Variants in IL1RAP observed in about 807,000 individuals in gnomAD.
IL1RAP encodes interleukin-1 receptor accessory protein.
IL1RAP carries 35 observed loss-of-function variants against 60.7 expected under a neutral mutation model. The ratio of observed to expected loss-of-function variants is 0.58; its 90% CI spans 0.44 to 0.76. The LOEUF (loss-of-function observed/expected upper bound fraction) is 0.76. Among genes scored for constraint, IL1RAP ranks in the 30% least tolerant of loss-of-function variants. The probability of loss-of-function intolerance (pLI) is 0.00; values close to 1 mark genes in which losing one functional copy is unlikely to be tolerated. For missense variants in IL1RAP, 572 were observed against 693.9 expected (o/e 0.82, Z 1.97); for synonymous variants, 268 against 250.9 (o/e 1.07, Z -0.64).
At chr3:190,571,513 C>A (rs1390732017) in intron 3 of IL1RAP, among the ~76,000 whole-genome samples, 1 of 152,068 alleles carries the variant, frequency 6.6e-6, no homozygotes, top group Non-Finnish European at 1.5e-5. Context: ...AAGACCCTGT[C>A]TCTCTCTTTC....
intron 9 of IL1RAP, among the ~76,000 whole-genome samples, chr3:190,634,719 G>GTTTTTTT (rs1733070414): frequency 7.8e-6 from 1 of 128,442 alleles, no homozygotes; most frequent in African/African-American, 3.4e-5. Context: ...TTTTTTTTTT[G>GTTTTTTT]TTGTTGTTTT....
intron 9 of IL1RAP, among the ~76,000 whole-genome samples, chr3:190,632,582 C>G (rs906276182): frequency 6.6e-6 from 1 of 152,200 alleles, no homozygotes; most frequent in Non-Finnish European, 1.5e-5. Flanking sequence ...TAAACAGAAT[C>G]TTTAAAACTT....
At chr3:190,594,294 A>G (rs928613624) in intron 3 of IL1RAP, among the ~76,000 whole-genome samples, 1 of 152,232 alleles carries the variant, frequency 6.6e-6, no homozygotes, top group African/African-American at 2.4e-5. Flanking sequence ...AAGCTTATTT[A>G]TCACATAAAA....
At chr3:190,529,585 T>C (rs1722808065) in intron 1 of IL1RAP, among the ~76,000 whole-genome samples, 3 of 151,286 alleles carry the variant, frequency 2.0e-5, no homozygotes, top group Non-Finnish European at 2.9e-5. Context: ...CTTGGGAGGC[T>C]GAGGCAGGAG....
chr3:190,625,574 A>G (rs1333846845), intron 7 of IL1RAP, among the ~76,000 whole-genome samples: 1 of 152,210 alleles, frequency 6.6e-6, no homozygotes, highest in Non-Finnish European at 1.5e-5. Context: ...GTATGAATAA[A>G]TTTATAGCAA....
chr3:190,578,845 T>G (rs1727730435), intron 3 of IL1RAP, among the ~76,000 whole-genome samples: 2 of 152,092 alleles, frequency 1.3e-5, no homozygotes, highest in East Asian at 3.9e-4. Flanking sequence ...GAACTGCCCT[T>G]TATAAAACCA....
At chr3:190,620,540 A>G in intron 6 of IL1RAP, 100 bp downstream of exon 6, 1 of 1,074,936 alleles carries the variant, frequency 9.3e-7, no homozygotes, top group Non-Finnish European at 1.4e-6. Flanking sequence ...TGTATAAGAA[A>G]AGTGATTCAT....
rs1478891413 is a variant in IL1RAP at position 190,648,978 on chromosome 3, A to G, written c.*273A>G. On this transcript the variant is annotated 3_prime_UTR_variant, in exon 12 of 12. Transcript: ENST00000447382. ...GTTCAATGCGAATTTCCCCTTCTAC[A>G]TTGTCTATCCCTGTTTTTATATGTC... is the stretch of plus-strand genomic sequence containing the variant. 3 of 1,164,428 alleles carry G rather than the reference A, an allele frequency of 2.6e-6. No homozygotes were observed. Among genetic ancestry groups the G allele is most frequent in the Non-Finnish European group, 3.2e-6 (3 of 943,026 alleles). 72.1% of individuals were successfully genotyped at this position (1,164,428 alleles called of 1,614,324 possible).
intron 1 of IL1RAP, among the ~76,000 whole-genome samples, chr3:190,540,439 G>T (rs904598582): frequency 1.3e-5 from 2 of 151,980 alleles, no homozygotes; most frequent in Non-Finnish European, 2.9e-5. Context: ...TTATGAACCT[G>T]TCTATAGGGA....
intron 9 of IL1RAP, among the ~76,000 whole-genome samples, chr3:190,635,266 C>T (rs374000830): frequency 1.8e-4 from 28 of 152,124 alleles, no homozygotes; most frequent in African/African-American, 6.3e-4. Context: ...TTTTGTCCTT[C>T]ATCAGTCAAG....
chr3:190,581,716 T>G (rs777492514), intron 3 of IL1RAP, among the ~76,000 whole-genome samples: 9 of 152,246 alleles, frequency 5.9e-5, no homozygotes, highest in Non-Finnish European at 7.3e-5. Flanking sequence ...ATTTTTCTAT[T>G]GTATTTTTCA....
intron 1 of IL1RAP, chr3:190,518,588 A>T: frequency 6.6e-6 from 1 of 152,286 alleles, no homozygotes; most frequent in East Asian, 1.9e-4. Context: ...CAGACCCAAG[A>T]CTGGGCAGTT....
At chr3:190,602,797 G>A (rs537509512) in intron 3 of IL1RAP, among the ~76,000 whole-genome samples, 1 of 152,204 alleles carries the variant, frequency 6.6e-6, no homozygotes, top group Admixed American at 6.5e-5. Context: ...GAAACGTAGG[G>A]AAGATTACAG....
Position 190,629,429 on chromosome 3 carries a change from C to T in IL1RAP, c.982C>T (p.Arg328Cys), listed in dbSNP as rs750120679. Residue 328 changes from arginine (R) to cysteine (C), a missense_variant, in exon 9 of 12, where the codon CGC becomes TGC. Coordinates refer to ENST00000447382, the MANE Select transcript of IL1RAP (RefSeq NM_002182.4). ...GAAAGTTACCTCTGAGGATCTCAAG[C>T]GCAGCTATGTCTGTCATGCTAGAAG... ...IKKVTSEDLKRSYVCHARSAK... is the reference protein window; with the variant it reads ...IKKVTSEDLKCSYVCHARSAK... 3.7e-6 allele frequency: 6 copies of T among 1,613,766 alleles called. No homozygotes were observed. The highest frequency in any genetic ancestry group is 5.1e-6 in the Non-Finnish European group (6 of 1,179,824).
chr3:190,609,051 G>A lies in IL1RAP; in HGVS notation c.407G>A (p.Ser136Asn), dbSNP rs776275775. 19 of 1,613,360 alleles carry A rather than the reference G, an allele frequency of 1.2e-5. No individual in the cohort carries two copies. The highest frequency in any genetic ancestry group is 2.2e-5 in the East Asian group (1 of 44,812). ...CCCTTGGAAGTTGTTCAAAAAGACA[G>A]CTGTTTCAATTCCCCCATGAAACTC... ...AFPLEVVQKD[S>N]CFNSPMKLPV... The change falls in exon 5 of 12, where the codon AGC (serine) becomes AAC (asparagine). Residue 136 changes from serine (S) to asparagine (N), a missense_variant. Physicochemically the swap from Ser to Asn is conservative, Grantham distance 46. Transcript: ENST00000447382.
At chr3:190,655,861 A>G (rs1283789712), downstream of IL1RAP, 3 of 1,485,106 alleles carry the variant, frequency 2.0e-6, no homozygotes, top group Admixed American at 2.0e-5. Context: ...TTCACTATAC[A>G]TTGTCCTATA....
intron 9 of IL1RAP, 74 bp from the exon 10 acceptor site, chr3:190,644,174 G>A (rs1733847160): frequency 2.0e-6 from 3 of 1,533,442 alleles, no homozygotes; most frequent in Non-Finnish European, 2.6e-6. Context: ...GGCTTATCCA[G>A]CTATTTGCCG....
At chr3:190,576,062 GAA>G (rs35755755) in intron 3 of IL1RAP, among the ~76,000 whole-genome samples, 2 of 150,590 alleles carry the variant, frequency 1.3e-5, no homozygotes, top group African/African-American at 4.9e-5. Context: ...ATAATTTTTA[GAA>G]AAAAAAAATA....
chr3:190,564,174 AAAATTC>A (rs1275250348), intron 2 of IL1RAP, 109 bp from the exon 3 acceptor site: 2 of 658,512 alleles, frequency 3.0e-6, no homozygotes, highest in Middle Eastern at 2.5e-4. Context: ...TTAATATTGT[AAAATTC>A]TTAGAACAGT....
Sources: allele counts gnomAD v4.1 joint callset (sites outside exome capture counted in the v4.1 genomes callset), GRCh38; gene constraint gnomAD v4.1.1; transcripts MANE v1.5; gene names NCBI Gene and HGNC (gene_info 2026-07-23, HGNC 2026-07-21).